The following ATRNL1 variants were observed in gnomAD, a reference collection of about 807,000 sequenced individuals.
ATRNL1 encodes attractin like 1, also known as attractin-like protein 1.
ATRNL1 carries 95 observed loss-of-function variants against 182.7 expected under a neutral mutation model. The ratio of observed to expected loss-of-function variants is 0.52; its 90% confidence interval spans 0.44 to 0.62. ATRNL1 has a LOEUF of 0.62. ATRNL1 is among the 20% of genes least tolerant of loss of function. The pLI, the probability that ATRNL1 is intolerant of heterozygous loss-of-function variation, is 0.00. For synonymous variants in ATRNL1, 576 were observed against 568.3 expected, an observed-to-expected ratio of 1.01 and a Z score of -0.19; for missense variants, 1,471 against 1,679.5, an observed-to-expected ratio of 0.88 and a Z score of 2.17.
chr10:115,199,068 C>T (rs1848460209), intron 8 of ATRNL1, among the ~76,000 whole-genome samples: 1 of 151,966 alleles, frequency 6.6e-6, no homozygotes. Context: ...GTAGGGATTG[C>T]TCTGAATCTG....
At chr10:115,675,486 CCAAA>C (rs1352915040) in intron 26 of ATRNL1, among the ~76,000 whole-genome samples, 4 of 152,034 alleles carry the variant, frequency 2.6e-5, no homozygotes, top group African/African-American at 9.7e-5. Flanking sequence ...TCTGCTTAAG[CCAAA>C]CAGACATTTT....
chr10:115,673,143 G>A (rs1945751964), intron 26 of ATRNL1, among the ~76,000 whole-genome samples: 1 of 152,094 alleles, frequency 6.6e-6, no homozygotes, highest in South Asian at 2.1e-4. Flanking sequence ...TTCTGATGGA[G>A]ATGCCCAGCA....
intron 27 of ATRNL1, among the ~76,000 whole-genome samples, chr10:115,740,374 A>G (rs1050857004): frequency 6.6e-6 from 1 of 151,968 alleles, no homozygotes; most frequent in Non-Finnish European, 1.5e-5. Context: ...ATGACATATA[A>G]AAGTGGGGCA....
Position 115,816,898 on chromosome 10 carries a change from G to A in ATRNL1, c.3904-30979G>A, listed in dbSNP as rs150115622. 5.7e-3 allele frequency among the ~76,000 whole-genome samples: 868 copies of A among 152,168 alleles called. 7 individuals carry two copies. Among genetic ancestry groups the A allele is most frequent in the Admixed American group, 0.01 (157 of 15,258 alleles). ...GAATCATGTCTGGAGCTATGTGTGC[G>A]TTAGAATAGGTATTTACCAAACCTT... On this transcript the variant is annotated intron_variant, in intron 27 of 28. Coordinates refer to ENST00000355044, the MANE Select transcript of ATRNL1 (RefSeq NM_207303.4).
chr10:115,515,640 TTGA>T (rs1850599852), intron 24 of ATRNL1, among the ~76,000 whole-genome samples: 1 of 151,968 alleles, frequency 6.6e-6, no homozygotes, highest in Non-Finnish European at 1.5e-5. Flanking sequence ...ATCTGTGTTC[TTGA>T]TGATTTCTGC....
intron 28 of ATRNL1, among the ~76,000 whole-genome samples, chr10:115,898,783 T>A (rs1301227499): frequency 1.3e-5 from 2 of 152,166 alleles, no homozygotes; most frequent in African/African-American, 4.8e-5. Flanking sequence ...CCAAAACTGT[T>A]GGGTTCATTT....
intron 19 of ATRNL1, among the ~76,000 whole-genome samples, chr10:115,362,994 T>C (rs1203751297): frequency 2.0e-5 from 3 of 152,096 alleles, no homozygotes; most frequent in Non-Finnish European, 4.4e-5. Flanking sequence ...TGTGCATGTG[T>C]CTTTATAGCA....
At chr10:115,263,475 A>G (rs941626658) in intron 10 of ATRNL1, among the ~76,000 whole-genome samples, 1 of 151,822 alleles carries the variant, frequency 6.6e-6, no homozygotes, top group African/African-American at 2.4e-5. Flanking sequence ...CAGAATTACT[A>G]TATGATCTGT....
chr10:115,233,659 T>C (rs1850054159), intron 9 of ATRNL1, among the ~76,000 whole-genome samples: 1 of 152,152 alleles, frequency 6.6e-6, no homozygotes, highest in African/African-American at 2.4e-5. Flanking sequence ...TGTGGGTTTT[T>C]TAGATATCAT....
chr10:115,525,382 A>G (rs1249274465), intron 25 of ATRNL1, among the ~76,000 whole-genome samples: 1 of 152,192 alleles, frequency 6.6e-6, no homozygotes, highest in Non-Finnish European at 1.5e-5. Flanking sequence ...CCTGTCGTCT[A>G]TTACATTGGG....
At chr10:115,176,027 T>C (rs953547405) in intron 8 of ATRNL1, among the ~76,000 whole-genome samples, 9 of 152,180 alleles carry the variant, frequency 5.9e-5, no homozygotes, top group Non-Finnish European at 1.2e-4. Context: ...TGGTATCTCA[T>C]TGTGGTTTTG....
chr10:115,889,686 T>C (rs1224366997), intron 28 of ATRNL1, among the ~76,000 whole-genome samples: 1 of 152,186 alleles, frequency 6.6e-6, no homozygotes, highest in African/African-American at 2.4e-5. Flanking sequence ...GAATGTGCAT[T>C]GAACTCTGTC....
At chr10:115,342,093 C>A (rs1274228873) in intron 19 of ATRNL1, among the ~76,000 whole-genome samples, 3 of 151,856 alleles carry the variant, frequency 2.0e-5, no homozygotes, top group African/African-American at 4.8e-5. Flanking sequence ...TTCCTTCTTT[C>A]TTTCTGTCTT....
At chr10:115,751,011 T>G (rs1948432970) in intron 27 of ATRNL1, among the ~76,000 whole-genome samples, 2 of 152,040 alleles carry the variant, frequency 1.3e-5, no homozygotes. Context: ...TTCCCAGAAC[T>G]TCACATGGCA....
rs549909442 is a variant in ATRNL1 at position 115,647,108 on chromosome 10, T to C, written c.3796-80140T>C. Among the ~76,000 whole-genome samples, 6 of 152,146 alleles carry C rather than the reference T, an allele frequency of 3.9e-5. No individual in the cohort carries two copies. The East Asian group carries it at 1.2e-3, about 29-fold the overall frequency. On this transcript the variant is annotated intron_variant, in intron 26 of 28. Coordinates refer to ENST00000355044, the MANE Select transcript of ATRNL1 (RefSeq NM_207303.4). ...AGAATGATGATTTCAGCTTCATCCATGTCCCTACAAAGGACATGAACTCAT... is the reference window on the plus strand; with the variant it reads ...AGAATGATGATTTCAGCTTCATCCACGTCCCTACAAAGGACATGAACTCAT...
At chr10:115,604,635 A>G (rs1350734121) in intron 26 of ATRNL1, among the ~76,000 whole-genome samples, 4 of 152,270 alleles carry the variant, frequency 2.6e-5, no homozygotes, top group African/African-American at 9.6e-5. Flanking sequence ...TCCTTAAGTC[A>G]GTTCCCATTT....
chr10:115,278,754 A>C (rs1426866711), intron 13 of ATRNL1, among the ~76,000 whole-genome samples: 2 of 152,206 alleles, frequency 1.3e-5, no homozygotes. Context: ...ACTTTCTGTC[A>C]CTATCATAAT....
intron 24 of ATRNL1, among the ~76,000 whole-genome samples, chr10:115,479,530 T>G (rs567069325): frequency 5.3e-5 from 8 of 151,610 alleles, no homozygotes; most frequent in Middle Eastern, 3.4e-3. Context: ...TAGGGTGTTT[T>G]ATGTTTTAGG....
At chr10:115,770,382 G>C (rs1329861076) in intron 27 of ATRNL1, among the ~76,000 whole-genome samples, 1 of 152,052 alleles carries the variant, frequency 6.6e-6, no homozygotes, top group African/African-American at 2.4e-5. Flanking sequence ...TGTAATCAGT[G>C]ATACAGAATT....
Sources: gnomAD v4.1 joint callset for allele counts (sites outside exome capture counted in the v4.1 genomes callset) on GRCh38, gnomAD v4.1.1 for gene constraint, MANE v1.5 for transcripts, NCBI Gene and HGNC (gene_info 2026-07-23, HGNC 2026-07-21) for gene names.